PRRG4: variants seen among roughly 807,000 people sequenced by gnomAD.
PRRG4 encodes the protein transmembrane gamma-carboxyglutamic acid protein 4.
A neutral mutation model predicts 20.0 loss-of-function variants in PRRG4; 12 were observed. The ratio of observed to expected loss-of-function variants is 0.60; its 90% confidence interval spans 0.38 to 0.97. PRRG4 has a LOEUF of 0.97. Among genes scored for constraint, PRRG4 ranks in the 50% least tolerant of loss-of-function variants. The pLI is 0.00. For synonymous variants in PRRG4, 94 were observed against 96.4 expected, an observed-to-expected ratio of 0.98 and a Z score of 0.15; for missense variants, 199 against 265.1, an observed-to-expected ratio of 0.75 and a Z score of 1.73.
In PRRG4 at chr11:32,853,581, G is replaced by GCCACCA; in HGVS notation, c.*54_*55insCCACCA. 1.4e-6 allele frequency: 2 copies of GCCACCA among 1,389,846 alleles called. No homozygotes were observed. The highest frequency in any genetic ancestry group is 2.0e-6 in the Non-Finnish European group (2 of 991,132). The allele number at this position is 1,389,846 out of a possible 1,614,324, so 86.1% of individuals were successfully genotyped here. The stretch of plus-strand genomic sequence containing the variant: ...TGTGTTATTTGATAGGCCGGGCATG[G>GCCACCA]TGGCTCATGCCTGTAATCCCAGCAC... On this transcript the variant is annotated 3_prime_UTR_variant, in exon 6 of 6. Transcript: ENST00000257836.
chr11:32,841,157 A>C (rs1331458778), intron 5 of PRRG4, among the ~76,000 whole-genome samples: 1 of 151,958 alleles, frequency 6.6e-6, no homozygotes, highest in Non-Finnish European at 1.5e-5. Flanking sequence ...TTCTATGAAC[A>C]AGCTCAAGGT....
At chr11:32,849,106 T>TA (rs1337444690) in intron 5 of PRRG4, among the ~76,000 whole-genome samples, 4 of 152,152 alleles carry the variant, frequency 2.6e-5, no homozygotes, top group Admixed American at 6.5e-5. Context: ...CTCACGCCTA[T>TA]AATCCTAGTA....
intron 5 of PRRG4, among the ~76,000 whole-genome samples, chr11:32,845,617 C>T (rs1247452761): frequency 1.4e-5 from 2 of 147,318 alleles, no homozygotes; most frequent in African/African-American, 5.0e-5. Context: ...CAGAGCAAGA[C>T]TCCGTTTCAA....
At chr11:32,837,346 C>T (rs762254830) in intron 3 of PRRG4, among the ~76,000 whole-genome samples, 2 of 151,866 alleles carry the variant, frequency 1.3e-5, no homozygotes, top group Admixed American at 1.3e-4. Context: ...CCCTTGTATT[C>T]GGAAGTATAT....
chr11:32,829,938 G>A lies in PRRG4; in HGVS notation c.-258G>A, dbSNP rs61889486. The stretch of plus-strand genomic sequence containing the variant: ...CGCCTCCTCCCGTCCTCCGTCGGCC[G>A]CCTCCCCGGACCGAGGCAGGACCTC... On this transcript the variant is annotated 5_prime_UTR_variant, in exon 1 of 6. Coordinates refer to ENST00000257836, the MANE Select transcript of PRRG4 (RefSeq NM_024081.6). 0.091 allele frequency: 89,380 copies of A among 985,456 alleles called. 4,238 individuals carry two copies. The highest frequency in any genetic ancestry group is 0.094 in the Non-Finnish European group (78,302 of 829,988). 61.0% of individuals were successfully genotyped at this position (985,456 alleles called of 1,614,324 possible).
rs1851204951 is a variant in PRRG4 at position 32,853,680 on chromosome 11, T to C, written c.*153T>C. On this transcript the variant is annotated 3_prime_UTR_variant, in exon 6 of 6. Transcript: ENST00000257836. ...CGGTCTCTACTAAAAATTCAAAAAT[T>C]ACCTAGGCGTCATGGGGCATGCCTG... is the stretch of plus-strand genomic sequence containing the variant. 1 of 586,274 alleles carries C rather than the reference T, an allele frequency of 1.7e-6. No individual in the cohort carries two copies. The highest frequency in any genetic ancestry group is 3.0e-5 in the East Asian group (1 of 33,212). The allele number at this position is 586,274 out of a possible 1,614,324, so 36.3% of individuals were successfully genotyped here. A position where few individuals can be genotyped will look rare whatever the true frequency, so the allele number is the denominator to read the frequency against.
chr11:32,843,286 C>A (rs988903720), intron 5 of PRRG4, among the ~76,000 whole-genome samples: 2 of 151,850 alleles, frequency 1.3e-5, no homozygotes, highest in Admixed American at 1.3e-4. Flanking sequence ...TTTTTGCCTA[C>A]AAAAGTAATA....
Position 32,855,433 on chromosome 11 carries a change from C to G in PRRG4, c.*1906C>G, listed in dbSNP as rs1851221869. ...CATTTAGGATCACTTATAAAATGATCATTGTTTATTTTGTTTTATAATTTT... is the reference window on the plus strand; with the variant it reads ...CATTTAGGATCACTTATAAAATGATGATTGTTTATTTTGTTTTATAATTTT... On this transcript the variant is annotated 3_prime_UTR_variant, in exon 6 of 6. Transcript: ENST00000257836. 1 of 152,134 alleles carries G rather than the reference C, an allele frequency of 6.6e-6. No homozygotes were observed. The highest frequency in any genetic ancestry group is 1.5e-5 in the Non-Finnish European group (1 of 68,010). 9.4% of individuals were successfully genotyped at this position (152,134 alleles called of 1,614,324 possible).
chr11:32,849,108 A>G (rs765744192), intron 5 of PRRG4, among the ~76,000 whole-genome samples: 5 of 152,140 alleles, frequency 3.3e-5, no homozygotes, highest in Non-Finnish European at 7.4e-5. Flanking sequence ...CACGCCTATA[A>G]TCCTAGTACT....
In PRRG4 at chr11:32,836,789, G is replaced by A; in HGVS notation, c.235G>A (p.Ala79Thr). 6.2e-7 allele frequency: 1 copy of A among 1,612,544 alleles called. No individual in the cohort carries two copies. The highest frequency in any genetic ancestry group is 8.5e-7 in the Non-Finnish European group (1 of 1,179,438). Residue 79 changes from alanine to threonine, a missense_variant, in exon 3 of 6, where the codon GCC (alanine) becomes ACC (threonine). Physicochemically the swap from Ala to Thr is moderately conservative, Grantham distance 58 (BLOSUM62 0). Transcript: ENST00000257836. ...TGAAGAACTTTGCAATTATGAGGAA[G>A]CCAGAGAGATTTTTGTGGATGAAGA... ...CNEELCNYEEAREIFVDEDKT... is the reference protein window; with the variant it reads ...CNEELCNYEETREIFVDEDKT...
chr11:32,845,827 C>T (rs992477006), intron 5 of PRRG4, among the ~76,000 whole-genome samples: 1 of 151,740 alleles, frequency 6.6e-6, no homozygotes, highest in East Asian at 1.9e-4. Flanking sequence ...AGATGATAAG[C>T]AAAATAGTCT....
At chr11:32,833,675 AGGTCCAAGAG>A (rs1488623802) in intron 2 of PRRG4, among the ~76,000 whole-genome samples, 1 of 152,244 alleles carries the variant, frequency 6.6e-6, no homozygotes, top group Non-Finnish European at 1.5e-5. Flanking sequence ...GGTAGACTTT[AGGTCCAAGAG>A]TTTCCTCCCA....
chr11:32,853,714 C>T lies in PRRG4; in HGVS notation c.*187C>T. The T allele has an allele frequency of 1.9e-6, 1 of 526,764 alleles. No homozygotes were observed. The highest frequency in any genetic ancestry group is 2.1e-5 in the South Asian group (1 of 47,456). 32.6% of individuals were successfully genotyped at this position (526,764 alleles called of 1,614,324 possible). A position where few individuals can be genotyped will look rare whatever the true frequency, so the allele number is the denominator to read the frequency against. On this transcript the variant is annotated 3_prime_UTR_variant, in exon 6 of 6. Coordinates refer to ENST00000257836, the MANE Select transcript of PRRG4 (RefSeq NM_024081.6). Reference sequence around the variant, plus strand: ...GTCATGGGGCATGCCTGTAGTCCCACCTACTTGGGAGGCTGAAGCAGGAGA... The same window carrying T: ...GTCATGGGGCATGCCTGTAGTCCCATCTACTTGGGAGGCTGAAGCAGGAGA...
chr11:32,853,257 G>T, intron 5 of PRRG4, 39 bp from the exon 6 acceptor site: 1 of 1,461,006 alleles, frequency 6.8e-7, no homozygotes. Context: ...ACCTAAAAAT[G>T]CTACCTTTCC....
intron 2 of PRRG4, among the ~76,000 whole-genome samples, chr11:32,833,568 A>T (rs1850993844): frequency 6.6e-6 from 1 of 152,226 alleles, no homozygotes; most frequent in Admixed American, 6.5e-5. Context: ...AGTATAGCTA[A>T]GTGAGGCAGG....
intron 3 of PRRG4, 82 bp from the exon 4 acceptor site, chr11:32,838,800 C>A: frequency 2.0e-6 from 2 of 981,022 alleles, no homozygotes; most frequent in South Asian, 2.7e-5. Context: ...GAGTTTACTA[C>A]CCCTAGTCTA....
Position 32,830,626 on chromosome 11 carries a change from G to T in PRRG4, c.97G>T (p.Glu33Ter), listed in dbSNP as rs33962176. ...RGPKASKHAG[E>*]EVFTSKEEAN... ...TCCAAAGGCTTCTAAGCATGCGGGA[G>T]AAGAAGGTAAGCACTAAAACGTCCC... Residue 33 changes from glutamate (E) to a stop codon, truncating the protein, a stop_gained, in exon 2 of 6, where the codon GAA becomes TAA. Coordinates refer to ENST00000257836, the MANE Select transcript of PRRG4 (RefSeq NM_024081.6). LOFTEE classifies it high-confidence loss of function. 1 of 1,611,982 alleles carries T rather than the reference G, an allele frequency of 6.2e-7. No homozygotes were observed. Among genetic ancestry groups the T allele is most frequent in the African/African-American group, 1.3e-5 (1 of 74,822 alleles).
At position 32,840,815 on chromosome 11, in the gene PRRG4, C is replaced by T. The variant is rs1278805978; in HGVS notation, c.449+576C>T. 6.6e-6 allele frequency among the ~76,000 whole-genome samples: 1 copy of T among 152,206 alleles called. No homozygotes were observed. The highest frequency in any genetic ancestry group is 1.5e-5 in the Non-Finnish European group (1 of 68,032). On this transcript the variant is annotated intron_variant, in intron 5 of 5. Coordinates refer to ENST00000257836, the MANE Select transcript of PRRG4 (RefSeq NM_024081.6). This position sits in a 1 kb window ranked among gnomAD's most constrained non-coding sequence, Gnocchi z 4.1. Reference sequence around the variant, plus strand: ...AGTTTACGCTGAGTCACAGAGTTAACAGATCCACATGGCTACCCAAATAGA... The same window carrying T: ...AGTTTACGCTGAGTCACAGAGTTAATAGATCCACATGGCTACCCAAATAGA...
intron 3 of PRRG4, 133 bp downstream of exon 3, chr11:32,836,954 T>A: frequency 1.5e-6 from 1 of 675,062 alleles, no homozygotes; most frequent in Non-Finnish European, 2.4e-6. Context: ...TCTACTTCCT[T>A]AAAATGGTAA....
Sources: allele counts gnomAD v4.1 joint callset (sites outside exome capture counted in the v4.1 genomes callset), GRCh38; gene constraint gnomAD v4.1.1; non-coding constraint Gnocchi (gnomAD v3.1); transcripts MANE v1.5; gene names NCBI Gene and HGNC (gene_info 2026-07-23, HGNC 2026-07-21).